Variants in ARPP19 observed in about 807,000 individuals in gnomAD.
The protein encoded by ARPP19 is cAMP regulated phosphoprotein 19, also known as cAMP-regulated phosphoprotein 19.
Under a neutral mutation model 12.0 loss-of-function variants are expected in ARPP19, and 8 were observed. The observed-to-expected ratio is 0.67, with a 90% CI of 0.39 to 1.21. The LOEUF (loss-of-function observed/expected upper bound fraction) is 1.21. Ranked by LOEUF, ARPP19 falls within the 50% of genes most tolerant of loss-of-function variation. The pLI is 0.01. For synonymous variants in ARPP19, 47 were observed against 50.4 expected, an observed-to-expected ratio of 0.93 and a Z score of 0.29; for missense variants, 102 against 136.3, an observed-to-expected ratio of 0.75 and a Z score of 1.25.
chr15:52,547,499 G>A lies in ARPP19; in HGVS notation c.*4435C>T, dbSNP rs1287552988. The A allele has an allele frequency of 6.6e-6, 1 of 152,168 alleles. No homozygotes were observed. The highest frequency in any genetic ancestry group is 1.5e-5 in the Non-Finnish European group (1 of 68,030). The allele number at this position is 152,168 out of a possible 1,614,324, so 9.4% of individuals were successfully genotyped here. A position where few individuals can be genotyped will look rare whatever the true frequency, so the allele number is the denominator to read the frequency against. On this transcript the variant is annotated 3_prime_UTR_variant, in exon 3 of 3. Coordinates refer to ENST00000249822, the MANE Select transcript of ARPP19 (RefSeq NM_006628.6). Reference sequence around the variant, plus strand: ...TATGTTTTTTTCCAACTGCGATTTAGTTGAAAAATAACATAATACAAACAT... The same window carrying A: ...TATGTTTTTTTCCAACTGCGATTTAATTGAAAAATAACATAATACAAACAT...
chr15:52,556,401 A>T (rs1427949186), intron 2 of ARPP19, among the ~76,000 whole-genome samples: 1 of 152,162 alleles, frequency 6.6e-6, no homozygotes, highest in Non-Finnish European at 1.5e-5. Flanking sequence ...GGGAACAAAC[A>T]GGCCAGCATT....
chr15:52,566,805 T>C (rs1212889308), intron 1 of ARPP19, among the ~76,000 whole-genome samples: 4 of 119,390 alleles, frequency 3.4e-5, no homozygotes, highest in South Asian at 2.5e-4. Context: ...TTTGTACATA[T>C]TGTTTCCTAA....
chr15:52,561,818 T>TA (rs1337588692), intron 1 of ARPP19, among the ~76,000 whole-genome samples: 21 of 151,290 alleles, frequency 1.4e-4, no homozygotes, highest in African/African-American at 4.4e-4. Flanking sequence ...AGTACACATT[T>TA]AAAAAAATCT....
At chr15:52,563,008 T>C (rs572403115) in intron 1 of ARPP19, among the ~76,000 whole-genome samples, 10 of 151,570 alleles carry the variant, frequency 6.6e-5, no homozygotes, top group Admixed American at 2.0e-4. Context: ...CCCGAGTAGC[T>C]GGGATTACAG....
chr15:52,557,524 T>C (rs967777043), intron 1 of ARPP19: 8 of 234,594 alleles, frequency 3.4e-5, no homozygotes, highest in African/African-American at 1.6e-4. Flanking sequence ...AATACATTTA[T>C]AGTTAGTCAC....
intron 1 of ARPP19, among the ~76,000 whole-genome samples, chr15:52,567,501 G>A (rs938741546): frequency 6.6e-6 from 1 of 152,070 alleles, no homozygotes; most frequent in Non-Finnish European, 1.5e-5. Flanking sequence ...GTTATTTTTG[G>A]GGGCTCCTAA....
chr15:52,564,186 T>C (rs1033032320), intron 1 of ARPP19: 59 of 1,529,686 alleles, frequency 3.9e-5, no homozygotes, highest in Non-Finnish European at 4.7e-5. Flanking sequence ...TTTCTGAGGT[T>C]TACCTCTAGG....
At chr15:52,569,233 A>T (rs1387294991), upstream of ARPP19, 1 of 342,112 alleles carries the variant, frequency 2.9e-6, no homozygotes, top group Non-Finnish European at 5.3e-6. Flanking sequence ...TGGGAATTGT[A>T]GTTTCTAAGT....
intron 2 of ARPP19, 165 bp downstream of exon 2, chr15:52,556,931 GCTTA>G (rs2077986941): frequency 6.9e-6 from 4 of 581,176 alleles, no homozygotes; most frequent in Non-Finnish European, 1.2e-5. Context: ...TTCTCACAAT[GCTTA>G]TTTATAAACT....
chr15:52,552,258 A>G (rs17614498), intron 2 of ARPP19, among the ~76,000 whole-genome samples, 154 bp from the exon 3 acceptor site: 5 of 152,068 alleles, frequency 3.3e-5, no homozygotes, highest in African/African-American at 1.2e-4. Context: ...GAGTTCCAGC[A>G]TAAGTCAACA....
intron 2 of ARPP19, among the ~76,000 whole-genome samples, chr15:52,552,387 T>C (rs913969186): frequency 3.3e-5 from 5 of 151,474 alleles, no homozygotes; most frequent in African/African-American, 1.2e-4. Flanking sequence ...CTGGCCAATA[T>C]GGCGAAACCC....
At position 52,550,553 on chromosome 15, in the gene ARPP19, G is replaced by C. The variant is rs1159450406; in HGVS notation, c.*1381C>G. ...TAGTTAACTTGAGCCTAGGAGTAAG[G>C]TTGCAGTGAGCTGTGATTGCACTAC... On this transcript the variant is annotated 3_prime_UTR_variant, in exon 3 of 3. Transcript: ENST00000249822. The C allele has an allele frequency of 6.6e-6, 1 of 152,116 alleles. No individual in the cohort carries two copies. Among genetic ancestry groups the C allele is most frequent in the Non-Finnish European group, 1.5e-5 (1 of 68,030 alleles). 9.4% of individuals were successfully genotyped at this position (152,116 alleles called of 1,614,324 possible). A position where few individuals can be genotyped will look rare whatever the true frequency, so the allele number is the denominator to read the frequency against.
At position 52,549,367 on chromosome 15, in the gene ARPP19, A is replaced by G. The variant is rs1327916761; in HGVS notation, c.*2567T>C. The G allele has an allele frequency of 6.6e-6, 1 of 152,612 alleles. No individual in the cohort carries two copies. The highest frequency in any genetic ancestry group is 2.4e-5 in the African/African-American group (1 of 41,446). 9.5% of individuals were successfully genotyped at this position (152,612 alleles called of 1,614,324 possible). On this transcript the variant is annotated 3_prime_UTR_variant, in exon 3 of 3. Coordinates refer to ENST00000249822, the MANE Select transcript of ARPP19 (RefSeq NM_006628.6). ...GAGCTTTGAGGCAGAACAAAAAAAA[A>G]ACAAAAATCTAAAACCTCTCTATCC... is the stretch of plus-strand genomic sequence containing the variant.
chr15:52,559,806 T>C (rs972449078), intron 1 of ARPP19, among the ~76,000 whole-genome samples: 1 of 152,150 alleles, frequency 6.6e-6, no homozygotes. Flanking sequence ...AGTTTAGAAG[T>C]GGATGTGGGA....
Position 52,568,978 on chromosome 15 carries a change from CCCAGGG to C in ARPP19, c.-92_-87del. The C allele has an allele frequency of 2.0e-6, 2 of 1,018,764 alleles. No homozygotes were observed. The highest frequency in any genetic ancestry group is 1.4e-6 in the Non-Finnish European group (1 of 703,664). The allele number at this position is 1,018,764 out of a possible 1,614,324, so 63.1% of individuals were successfully genotyped here. A position where few individuals can be genotyped will look rare whatever the true frequency, so the allele number is the denominator to read the frequency against. ...CCCGGCCGCCGCCCGTCCCAGCTCTCCCAGGGCCCGCCGGGCCGCCTCCGCCCGCGA... is the reference window on the plus strand; with the variant it reads ...CCCGGCCGCCGCCCGTCCCAGCTCTCCCCGCCGGGCCGCCTCCGCCCGCGA... On this transcript the variant is annotated 5_prime_UTR_variant, in exon 1 of 3. Transcript: ENST00000249822.
In ARPP19 at chr15:52,564,130, T is replaced by C. The variant is rs79055665; in HGVS notation, c.45+4718A>G. On this transcript the variant is annotated intron_variant, in intron 1 of 2. Coordinates refer to ENST00000249822, the MANE Select transcript of ARPP19 (RefSeq NM_006628.6). ...CAAAAGAAGCAACCCTAACAAACTG[T>C]TGTATCGCAAACTGCTAAGACGGCT... 7,671 of 1,222,188 alleles carry C rather than the reference T, an allele frequency of 6.3e-3. 342 individuals carry two copies. In the African/African-American group the frequency reaches 0.1, roughly 16 times the overall value. The allele number at this position is 1,222,188 out of a possible 1,614,324, so 75.7% of individuals were successfully genotyped here.
chr15:52,569,309 T>G (rs983957447), upstream of ARPP19: 12 of 239,150 alleles, frequency 5.0e-5, no homozygotes, highest in Non-Finnish European at 8.1e-5. Flanking sequence ...TTTATTTTAC[T>G]CTTTCCACTT....
At chr15:52,567,145 G>C (rs1393202535) in intron 1 of ARPP19, among the ~76,000 whole-genome samples, 6 of 152,168 alleles carry the variant, frequency 3.9e-5, no homozygotes, top group Non-Finnish European at 8.8e-5. Flanking sequence ...CACCATCCAC[G>C]CCACAGGCAC....
chr15:52,563,685 G>A (rs966161550), intron 1 of ARPP19, among the ~76,000 whole-genome samples: 1 of 152,182 alleles, frequency 6.6e-6, no homozygotes, highest in Admixed American at 6.5e-5. Context: ...TTCGGCAGAG[G>A]AGGGTTATAC....
Sources: allele counts gnomAD v4.1 joint callset (sites outside exome capture counted in the v4.1 genomes callset), GRCh38; gene constraint gnomAD v4.1.1; transcripts MANE v1.5; gene names NCBI Gene and HGNC (gene_info 2026-07-23, HGNC 2026-07-21).